The following SUGCT variants were observed in gnomAD, a reference collection of about 807,000 sequenced individuals.
The protein encoded by SUGCT is succinyl-CoA:glutarate-CoA transferase.
Under a neutral mutation model 55.0 loss-of-function variants are expected in SUGCT, and 41 were observed. The observed-to-expected ratio is 0.74, with a 90% CI of 0.58 to 0.97. The LOEUF is 0.97. Ranked by LOEUF, SUGCT falls within the 50% of genes least tolerant of loss-of-function variation. The pLI, the probability that SUGCT is intolerant of heterozygous loss-of-function variation, is 0.00. For synonymous variants in SUGCT, 187 were observed against 200.4 expected (o/e 0.93, Z 0.56); for missense variants, 568 against 547.8 (o/e 1.04, Z -0.37).
intron 9 of SUGCT, among the ~76,000 whole-genome samples, chr7:40,329,790 A>G (rs1402739512): frequency 1.3e-5 from 2 of 152,190 alleles, no homozygotes; most frequent in Non-Finnish European, 1.5e-5. Context: ...GGATTTTTCA[A>G]TGGGGATTTG....
At chr7:40,420,435 T>G (rs1787244919) in intron 9 of SUGCT, among the ~76,000 whole-genome samples, 1 of 152,058 alleles carries the variant, frequency 6.6e-6, no homozygotes, top group Non-Finnish European at 1.5e-5. Context: ...ATCTCCTGGG[T>G]TCAAGTGATC....
intron 7 of SUGCT, among the ~76,000 whole-genome samples, chr7:40,249,085 G>A (rs1186445642): frequency 6.6e-6 from 1 of 151,786 alleles, no homozygotes; most frequent in Non-Finnish European, 1.5e-5. Flanking sequence ...GAGCCCAGGA[G>A]TTTGAGACCA....
At chr7:40,192,520 A>T (rs1008640915) in intron 5 of SUGCT, among the ~76,000 whole-genome samples, 8 of 152,218 alleles carry the variant, frequency 5.3e-5, no homozygotes, top group African/African-American at 1.4e-4. Context: ...ATGAAAAATT[A>T]AAACATTCAG....
At chr7:40,860,205 G>C in intron 13 of SUGCT, 111 bp from the exon 14 acceptor site, 2 of 1,263,946 alleles carry the variant, frequency 1.6e-6, no homozygotes, top group Admixed American at 3.5e-5. Context: ...GGGTGTAACT[G>C]GCACTCATTG....
At chr7:41,017,217 TC>T in the SUGCT span, among the ~76,000 whole-genome samples, 5 of 152,068 alleles carry the variant, frequency 3.3e-5, no homozygotes, top group African/African-American at 4.8e-5. Context: ...ATACAAAGTC[TC>T]CCCTAAAACT....
intron 12 of SUGCT, among the ~76,000 whole-genome samples, chr7:40,733,333 C>T (rs1179987217): frequency 1.3e-5 from 2 of 152,196 alleles, no homozygotes; most frequent in African/African-American, 4.8e-5. Flanking sequence ...TGACCCTGCT[C>T]TACTTATCAG....
the SUGCT span, among the ~76,000 whole-genome samples, chr7:41,029,878 G>A: frequency 6.6e-6 from 1 of 152,044 alleles, no homozygotes; most frequent in African/African-American, 2.4e-5. Flanking sequence ...TAGTTTAACT[G>A]CCCTAAAAAT....
chr7:40,954,754 G>T, the SUGCT span, among the ~76,000 whole-genome samples: 1 of 152,138 alleles, frequency 6.6e-6, no homozygotes. Flanking sequence ...TTTCTTCTAG[G>T]GTTTTTATGG....
chr7:40,301,933 A>C (rs1156954389), intron 8 of SUGCT, among the ~76,000 whole-genome samples: 2 of 152,220 alleles, frequency 1.3e-5, no homozygotes, highest in African/African-American at 4.8e-5. Context: ...TTAGTTGTAG[A>C]GAAAGCTTTT....
intron 7 of SUGCT, among the ~76,000 whole-genome samples, chr7:40,269,965 T>A (rs1216183211): frequency 1.3e-5 from 2 of 151,842 alleles, no homozygotes; most frequent in Non-Finnish European, 2.9e-5. Context: ...GGGGAGACCC[T>A]GTCTCTACAA....
rs139344825 is a variant in SUGCT at position 40,340,374 on chromosome 7, TA to T, written c.816+23529del. Among the ~76,000 whole-genome samples the T allele has an allele frequency of 5.4e-3, 794 of 145,822 alleles. 7 individuals carry two copies. Among genetic ancestry groups the T allele is most frequent in the African/African-American group, 0.018 (731 of 39,786 alleles). ...TCTAAAGGGAAATAAAGGCCAAAAA[TA>T]AAAAAAAAACCCTATCACATTATTC... On this transcript the variant is annotated intron_variant, in intron 9 of 13. Transcript: ENST00000335693.
chr7:40,981,603 C>A, the SUGCT span, among the ~76,000 whole-genome samples: 22 of 152,174 alleles, frequency 1.4e-4, no homozygotes, highest in African/African-American at 5.1e-4. Context: ...CAATTTATCT[C>A]TTTCTTCACA....
chr7:40,778,054 G>A (rs1014391547), intron 13 of SUGCT, among the ~76,000 whole-genome samples: 3 of 152,172 alleles, frequency 2.0e-5, no homozygotes, highest in African/African-American at 7.2e-5. Flanking sequence ...CTAGCTCAGC[G>A]ACTTAGTTTG....
the SUGCT span, among the ~76,000 whole-genome samples, chr7:40,906,749 G>A: frequency 6.6e-6 from 1 of 152,132 alleles, no homozygotes; most frequent in East Asian, 1.9e-4. Context: ...TCCTGGAACC[G>A]ATATCCCATG....
intron 6 of SUGCT, among the ~76,000 whole-genome samples, chr7:40,201,236 G>T (rs1786585283): frequency 6.6e-6 from 1 of 151,802 alleles, no homozygotes; most frequent in African/African-American, 2.4e-5. Context: ...AAGAAGAGAA[G>T]GAAGAATAAA....
chr7:40,716,515 G>C (rs1786033779), intron 12 of SUGCT, among the ~76,000 whole-genome samples: 1 of 152,090 alleles, frequency 6.6e-6, no homozygotes, highest in Non-Finnish European at 1.5e-5. Context: ...TGTTTAAAGG[G>C]ATTAGTAATA....
chr7:40,612,674 C>A (rs1798822144), intron 12 of SUGCT, among the ~76,000 whole-genome samples: 2 of 152,182 alleles, frequency 1.3e-5, no homozygotes, highest in South Asian at 4.1e-4. Context: ...GGAATAATTA[C>A]AGCTTGTATC....
chr7:40,601,329 G>A (rs537116910), intron 12 of SUGCT, among the ~76,000 whole-genome samples: 2 of 152,294 alleles, frequency 1.3e-5, no homozygotes, highest in East Asian at 3.9e-4. Context: ...TTGGCAAAGG[G>A]AGAGATCTGG....
At chr7:40,419,890 T>C (rs1461756718) in intron 9 of SUGCT, among the ~76,000 whole-genome samples, 1 of 152,240 alleles carries the variant, frequency 6.6e-6, no homozygotes, top group African/African-American at 2.4e-5. Context: ...AGCTTGCATG[T>C]ATTGTCTCCT....
Sources: allele counts gnomAD v4.1 joint callset (sites outside exome capture counted in the v4.1 genomes callset), GRCh38; gene constraint gnomAD v4.1.1; transcripts MANE v1.5; gene names NCBI Gene and HGNC (gene_info 2026-07-23, HGNC 2026-07-21).